The following SLC25A23 variants were observed in gnomAD, a reference collection of about 807,000 sequenced individuals.
The protein encoded by SLC25A23 is solute carrier family 25 member 23.
SLC25A23 carries 32 observed loss-of-function variants against 53.9 expected under a neutral mutation model. The ratio of observed to expected loss-of-function variants is 0.59; its 90% CI spans 0.45 to 0.80. The LOEUF is 0.80. Ranked by LOEUF, SLC25A23 falls within the 30% of genes least tolerant of loss-of-function variation. The pLI is 0.00. For synonymous variants in SLC25A23, 275 were observed against 264.5 expected (o/e 1.04, Z -0.38); for missense variants, 575 against 651.4 (o/e 0.88, Z 1.28).
rs888461900 is a variant in SLC25A23 at position 6,441,730 on chromosome 19, G to GA, written c.*244dup. On this transcript the variant is annotated 3_prime_UTR_variant, in exon 10 of 10. Transcript: ENST00000301454. ...GGATCCACAGTTATGGTTACAGGGG[G>GA]ATCTGGGATCTAGTGGCTGAAGGGT... 60 of 548,462 alleles carry GA rather than the reference G, an allele frequency of 1.1e-4. No individual in the cohort carries two copies. Among genetic ancestry groups the GA allele is most frequent in the Non-Finnish European group, 1.5e-4 (47 of 304,514 alleles). The allele number at this position is 548,462 out of a possible 1,614,324, so 34.0% of individuals were successfully genotyped here. A position where few individuals can be genotyped will look rare whatever the true frequency, so the allele number is the denominator to read the frequency against.
In SLC25A23 at chr19:6,459,418, G is replaced by T. The variant is rs2092729232; in HGVS notation, c.156+55C>A. 1 of 1,485,366 alleles carries T rather than the reference G, an allele frequency of 6.7e-7. No homozygotes were observed. Among genetic ancestry groups the T allele is most frequent in the Non-Finnish European group, 9.0e-7 (1 of 1,115,956 alleles). The allele number at this position is 1,485,366 out of a possible 1,614,324, so 92.0% of individuals were successfully genotyped here. On this transcript the variant is annotated intron_variant, in intron 1 of 9. Transcript: ENST00000301454. The surrounding 1 kb of genome is among the most constrained non-coding windows in gnomAD (Gnocchi z 4.6). Reference sequence around the variant, plus strand: ...CCGGCCGCCCAGTTCAGGGGCTTGGGTAACCGGGAGCGGGCGGGGCCGGGA... The same window carrying T: ...CCGGCCGCCCAGTTCAGGGGCTTGGTTAACCGGGAGCGGGCGGGGCCGGGA...
At position 6,459,243 on chromosome 19, in the gene SLC25A23, A is replaced by G. The variant is rs1402900800; in HGVS notation, c.156+230T>C. On this transcript the variant is annotated intron_variant, in intron 1 of 9. Coordinates refer to ENST00000301454, the MANE Select transcript of SLC25A23 (RefSeq NM_024103.3). The surrounding 1 kb of genome is among the most constrained non-coding windows in gnomAD (Gnocchi z 4.6). ...AGGCAGACGCCCCCTGCCCCGCAGC[A>G]GGGGGATCGGGTGTTGGCCGCGGAA... is the stretch of plus-strand genomic sequence containing the variant. 1.3e-5 allele frequency among the ~76,000 whole-genome samples: 2 copies of G among 152,100 alleles called. No individual in the cohort carries two copies. The highest frequency in any genetic ancestry group is 2.4e-5 in the African/African-American group (1 of 41,422).
At position 6,459,727 on chromosome 19, in the gene SLC25A23, C is replaced by T. The variant is rs2092736644; in HGVS notation, c.-99G>A. 1.9e-6 allele frequency: 2 copies of T among 1,041,528 alleles called. No homozygotes were observed. The highest frequency in any genetic ancestry group is 4.5e-5 in the South Asian group (1 of 22,310). The allele number at this position is 1,041,528 out of a possible 1,614,324, so 64.5% of individuals were successfully genotyped here. ...CCCGGGACCCCGCAGGGTCAGCTCC[C>T]GCGGCCGCCGGCTCCGCAGCCTCCG... On this transcript the variant is annotated 5_prime_UTR_variant, in exon 1 of 10. Transcript: ENST00000301454. The surrounding 1 kb of genome is among the most constrained non-coding windows in gnomAD (Gnocchi z 4.6).
chr19:6,454,332 G>A lies in SLC25A23; in HGVS notation c.786C>T (p.Ala262=). The change falls in exon 6 of 10, where the codon GCC becomes GCT. Residue 262 remains alanine (A), a synonymous_variant. Transcript: ENST00000301454. This position sits in a 1 kb window ranked among gnomAD's most constrained non-coding sequence, Gnocchi z 4.3. Reference sequence around the variant, plus strand: ...CTGTACCTGCCCTCACCTGTTCATAGGCCATGAACTTGATAGCTGACTCGG... The same window carrying A: ...CTGTACCTGCCCTCACCTGTTCATAAGCCATGAACTTGATAGCTGACTCGG... ...IAPESAIKFM[A]YEQIKRAILG... 1 of 1,613,932 alleles carries A rather than the reference G, an allele frequency of 6.2e-7. No homozygotes were observed. Among genetic ancestry groups the A allele is most frequent in the Non-Finnish European group, 8.5e-7 (1 of 1,179,862 alleles).
At position 6,457,533 on chromosome 19, in the gene SLC25A23, GA is replaced by G. The variant is rs1568379318; in HGVS notation, c.340del (p.Ser114ArgfsTer18). The G allele has an allele frequency of 6.2e-7, 1 of 1,614,048 alleles. No individual in the cohort carries two copies. Among genetic ancestry groups the G allele is most frequent in the South Asian group, 1.1e-5 (1 of 91,076 alleles). ...QSFRALGISI[S>X]LEQAEKILHS... ...CAAAATTTTCTCAGCCTGCTCCAGC[GA>G]GATGGAAATGCCCAGAGCTCGGAAA... is the stretch of plus-strand genomic sequence containing the variant. On this transcript the variant is annotated frameshift_variant, in exon 3 of 10. Coordinates refer to ENST00000301454, the MANE Select transcript of SLC25A23 (RefSeq NM_024103.3). LOFTEE classifies it high-confidence loss of function.
rs1176467495 is a variant in SLC25A23 at position 6,454,758 on chromosome 19, A to C, written c.484-41T>G. On this transcript the variant is annotated intron_variant, in intron 4 of 9. Coordinates refer to ENST00000301454, the MANE Select transcript of SLC25A23 (RefSeq NM_024103.3). This position sits in a 1 kb window ranked among gnomAD's most constrained non-coding sequence, Gnocchi z 4.3. ...TTGGGGGTGTCATGCCATGGTGGGG[A>C]CAGGGAGATGTGACTCAGTCCTAAA... is the stretch of plus-strand genomic sequence containing the variant. 2 of 1,607,222 alleles carry C rather than the reference A, an allele frequency of 1.2e-6. No individual in the cohort carries two copies. The highest frequency in any genetic ancestry group is 2.2e-5 in the South Asian group (2 of 90,040).
rs1352845752 is a variant in SLC25A23 at position 6,459,751 on chromosome 19, C to G, written c.-123G>C. On this transcript the variant is annotated 5_prime_UTR_variant, in exon 1 of 10. Transcript: ENST00000301454. This position sits in a 1 kb window ranked among gnomAD's most constrained non-coding sequence, Gnocchi z 4.6. Reference sequence around the variant, plus strand: ...CCGCGGCCGCCGGCTCCGCAGCCTCCGCGCAGTCCGCTCGGCTCTGGCACT... The same window carrying G: ...CCGCGGCCGCCGGCTCCGCAGCCTCGGCGCAGTCCGCTCGGCTCTGGCACT... 2.5e-5 allele frequency: 20 copies of G among 791,468 alleles called. No individual in the cohort carries two copies. The highest frequency in any genetic ancestry group is 3.2e-5 in the Non-Finnish European group (19 of 599,084). The allele number at this position is 791,468 out of a possible 1,614,324, so 49.0% of individuals were successfully genotyped here.
At chr19:6,438,500 G>A (rs1312594378), downstream of SLC25A23, 4 of 152,832 alleles carry the variant, frequency 2.6e-5, no homozygotes, top group Admixed American at 6.6e-5. Context: ...TTGACCCCAC[G>A]AGTTCGAGAT....
rs1406687407 is a variant in SLC25A23 at position 6,459,515 on chromosome 19, C to T, written c.114G>A (p.Leu38=). The change falls in exon 1 of 10, where the codon CTG becomes CTA. Residue 38 remains leucine (L), a synonymous_variant. Transcript: ENST00000301454. This position sits in a 1 kb window ranked among gnomAD's most constrained non-coding sequence, Gnocchi z 4.6. The stretch of plus-strand genomic sequence containing the variant: ...CTGGGTTGCCCCCGCCCAGCCTGGC[C>T]AGCCCCTGGCGCAACTCGTGCACGT... ...RVDVHELRQG[L]ARLGGGNPDP... 4 of 1,597,014 alleles carry T rather than the reference C, an allele frequency of 2.5e-6. No homozygotes were observed. The highest frequency in any genetic ancestry group is 1.1e-5 in the South Asian group (1 of 90,148).
chr19:6,457,674 A>G, intron 2 of SLC25A23, 84 bp from the exon 3 acceptor site: 1 of 1,221,102 alleles, frequency 8.2e-7, no homozygotes, highest in South Asian at 1.2e-5. Flanking sequence ...AACAGCTTGG[A>G]ATGGAGGTGG....
Position 6,454,739 on chromosome 19 carries a change from G to T in SLC25A23, c.484-22C>A, listed in dbSNP as rs748507336. 6.2e-7 allele frequency: 1 copy of T among 1,611,970 alleles called. No individual in the cohort carries two copies. The highest frequency in any genetic ancestry group is 8.5e-7 in the Non-Finnish European group (1 of 1,179,002). On this transcript the variant is annotated intron_variant, in intron 4 of 9. Coordinates refer to ENST00000301454, the MANE Select transcript of SLC25A23 (RefSeq NM_024103.3). The surrounding 1 kb of genome is among the most constrained non-coding windows in gnomAD (Gnocchi z 4.3). ...GGACCTAAAGATACAGGTGTTGGGG[G>T]TGTCATGCCATGGTGGGGACAGGGA...
In SLC25A23 at chr19:6,453,978, C is replaced by T; in HGVS notation, c.903+3G>A. The T allele has an allele frequency of 1.9e-6, 3 of 1,609,528 alleles. No individual in the cohort carries two copies. Among genetic ancestry groups the T allele is most frequent in the Non-Finnish European group, 2.5e-6 (3 of 1,177,710 alleles). ...GGCCTCCGCTGGGGTCCCTCCTTCT[C>T]ACCTCCATAGGGTAAATGATGGTTT... On this transcript the variant is annotated splice_donor_region_variant and intron_variant, in intron 7 of 9. Transcript: ENST00000301454.
rs201572290 is a variant in SLC25A23 at position 6,451,075 on chromosome 19, C to T, written c.1071+1237G>A. 4.0e-4 allele frequency among the ~76,000 whole-genome samples: 51 copies of T among 127,516 alleles called. No homozygotes were observed. The East Asian group carries it at 8.8e-3, about 22-fold the overall frequency. 83.7% of individuals were successfully genotyped at this position (127,516 alleles called of 152,430 possible). ...CCTGGGCGACAGAGTGAGACTCTGTCTCGGGAAAAAAAAAAAAAAATTAAG... is the reference window on the plus strand; with the variant it reads ...CCTGGGCGACAGAGTGAGACTCTGTTTCGGGAAAAAAAAAAAAAAATTAAG... On this transcript the variant is annotated intron_variant, in intron 8 of 9. Coordinates refer to ENST00000301454, the MANE Select transcript of SLC25A23 (RefSeq NM_024103.3).
intron 8 of SLC25A23, among the ~76,000 whole-genome samples, chr19:6,450,551 G>A (rs142992056): frequency 1.3e-5 from 2 of 152,270 alleles, no homozygotes. Context: ...GCCACAATCC[G>A]CACAGTGTCT....
At chr19:6,458,104 T>G in intron 2 of SLC25A23, 94 bp downstream of exon 2, 1 of 1,480,996 alleles carries the variant, frequency 6.8e-7, no homozygotes, top group Non-Finnish European at 9.1e-7. Context: ...CCTCCCCCTC[T>G]CCTCCTAGCG....
chr19:6,437,055 G>T (rs1215292662), downstream of SLC25A23, among the ~76,000 whole-genome samples: 1 of 151,918 alleles, frequency 6.6e-6, no homozygotes, highest in Non-Finnish European at 1.5e-5. Context: ...CACCATGTTG[G>T]CCAGGCTGGT....
In SLC25A23 at chr19:6,459,536, C is replaced by T. The variant is rs2092732053; in HGVS notation, c.93G>A (p.Val31=). The T allele has an allele frequency of 2.5e-6, 4 of 1,599,056 alleles. No individual in the cohort carries two copies. The African/African-American group carries it at 4.0e-5, about 16-fold the overall frequency. ...TGGCCAGCCCCTGGCGCAACTCGTG[C>T]ACGTCCACGCGGCCATCCTTGTTAC... The part of the protein sequence containing the change: ...LDSNKDGRVD[V]HELRQGLARL... The change falls in exon 1 of 10, where the codon GTG becomes GTA. Residue 31 remains valine (V), a synonymous_variant. Transcript: ENST00000301454. The surrounding 1 kb of genome is among the most constrained non-coding windows in gnomAD (Gnocchi z 4.6).
Position 6,459,403 on chromosome 19 carries a change from A to T in SLC25A23, c.156+70T>A. The T allele has an allele frequency of 7.2e-7, 1 of 1,380,184 alleles. No individual in the cohort carries two copies. Among genetic ancestry groups the T allele is most frequent in the Non-Finnish European group, 9.6e-7 (1 of 1,044,334 alleles). 85.5% of individuals were successfully genotyped at this position (1,380,184 alleles called of 1,614,324 possible). On this transcript the variant is annotated intron_variant, in intron 1 of 9. Transcript: ENST00000301454. The surrounding 1 kb of genome is among the most constrained non-coding windows in gnomAD (Gnocchi z 4.6). ...TAGTCCCTGGTGGCTCCGGCCGCCC[A>T]GTTCAGGGGCTTGGGTAACCGGGAG...
chr19:6,459,395 G>C lies in SLC25A23; in HGVS notation c.156+78C>G, dbSNP rs2092728659. On this transcript the variant is annotated intron_variant, in intron 1 of 9. Coordinates refer to ENST00000301454, the MANE Select transcript of SLC25A23 (RefSeq NM_024103.3). This position sits in a 1 kb window ranked among gnomAD's most constrained non-coding sequence, Gnocchi z 4.6. ...GCCACAGGTAGTCCCTGGTGGCTCC[G>C]GCCGCCCAGTTCAGGGGCTTGGGTA... is the stretch of plus-strand genomic sequence containing the variant. 7.6e-7 allele frequency: 1 copy of C among 1,319,892 alleles called. No homozygotes were observed. The highest frequency in any genetic ancestry group is 1.0e-6 in the Non-Finnish European group (1 of 995,978). 81.8% of individuals were successfully genotyped at this position (1,319,892 alleles called of 1,614,324 possible).
Sources: allele counts gnomAD v4.1 joint callset (sites outside exome capture counted in the v4.1 genomes callset), GRCh38; gene constraint gnomAD v4.1.1; non-coding constraint Gnocchi (gnomAD v3.1); transcripts MANE v1.5; gene names NCBI Gene and HGNC (gene_info 2026-07-23, HGNC 2026-07-21).